The following ALG13 variants were observed in gnomAD, a reference collection of about 807,000 sequenced individuals.
ALG13 encodes UDP-N-acetylglucosamine transferase subunit ALG13.
Under a neutral mutation model 87.8 loss-of-function variants are expected in ALG13, and 11 were observed. The ratio of observed to expected loss-of-function variants is 0.13; its 90% CI spans 0.08 to 0.21. The LOEUF (loss-of-function observed/expected upper bound fraction) is 0.21. Ranked by LOEUF, ALG13 falls within the 10% of genes least tolerant of loss-of-function variation. The probability of loss-of-function intolerance (pLI) is 1.00; values close to 1 mark genes in which losing one functional copy is unlikely to be tolerated. For synonymous variants in ALG13, 320 were observed against 306.3 expected (o/e 1.04, Z -0.47); for missense variants, 756 against 866.1 (o/e 0.87, Z 1.60).
At chrX:111,683,661 C>T (rs1220407081) in intron 2 of ALG13, among the ~76,000 whole-genome samples, 1 of 110,830 alleles carries the variant, frequency 9.0e-6, no homozygotes, top group Non-Finnish European at 1.9e-5. Context: ...GTTAACTAAC[C>T]ACCCTAGCAT....
chrX:111,728,082 C>T, intron 18 of ALG13, 103 bp from the exon 19 acceptor site: 1 of 1,032,424 alleles, frequency 9.7e-7, no homozygotes, highest in East Asian at 3.1e-5. Context: ...TAGCAGTTCA[C>T]ATTGTTAGGC....
intron 2 of ALG13, among the ~76,000 whole-genome samples, chrX:111,684,026 A>G (rs763892499): frequency 1.8e-5 from 2 of 112,104 alleles, no homozygotes; most frequent in African/African-American, 3.2e-5. Flanking sequence ...CAATGGTTTC[A>G]CTTAGAGTTT....
chrX:111,752,988 C>A, intron 25 of ALG13, 158 bp downstream of exon 25: 1 of 402,664 alleles, frequency 2.5e-6, no homozygotes. Flanking sequence ...GTTCAGTTGT[C>A]TGCTTTAGCC....
chrX:111,682,085 T>G (rs755115889), intron 1 of ALG13, 47 bp from the exon 2 acceptor site: 8 of 1,102,242 alleles, frequency 7.3e-6, no homozygotes, highest in Non-Finnish European at 9.6e-6. Context: ...TGCTCTGTTT[T>G]ACATAGCCAG....
chrX:111,681,831 G>C (rs1450469856), intron 1 of ALG13: 1 of 869,267 alleles, frequency 1.2e-6, no homozygotes, highest in Non-Finnish European at 1.4e-6. Context: ...GATCAAGTGA[G>C]GCAGAACGGG....
chrX:111,740,109 A>G (rs889243750), intron 23 of ALG13, among the ~76,000 whole-genome samples: 2 of 111,631 alleles, frequency 1.8e-5, no homozygotes, highest in Non-Finnish European at 3.8e-5. Context: ...AGACTATACT[A>G]TGTAATAGCC....
At chrX:111,681,670 G>GC (rs1339352850) in intron 1 of ALG13, 16 of 887,004 alleles carry the variant, frequency 1.8e-5, no homozygotes, top group East Asian at 1.5e-4. Flanking sequence ...TTTTCCTCAG[G>GC]CCCCCCTGTG....
intron 23 of ALG13, among the ~76,000 whole-genome samples, chrX:111,743,030 A>G (rs1311750964): frequency 9.0e-6 from 1 of 111,703 alleles, no homozygotes; most frequent in African/African-American, 3.3e-5. Context: ...TTATTGTAAT[A>G]CTGTGCATTT....
intron 3 of ALG13, among the ~76,000 whole-genome samples, chrX:111,692,811 T>C (rs770588015): frequency 8.9e-6 from 1 of 111,910 alleles, no homozygotes; most frequent in Non-Finnish European, 1.9e-5. Flanking sequence ...ATTTTTTTTT[T>C]CCTTTGAGAC....
chrX:111,683,326 AT>A (rs763991466), intron 2 of ALG13, among the ~76,000 whole-genome samples: 1,385 of 63,507 alleles, frequency 0.022, 15 homozygotes, highest in African/African-American at 0.052. Flanking sequence ...CTTTCTTTCT[AT>A]TTTTTTTTTT....
intron 4 of ALG13, among the ~76,000 whole-genome samples, chrX:111,708,726 G>GA (rs1442801670): frequency 9.0e-6 from 1 of 111,480 alleles, no homozygotes; most frequent in Non-Finnish European, 1.9e-5. Context: ...TAATGCCTAA[G>GA]AAAAAAATTA....
In ALG13 at chrX:111,681,319, A is replaced by C; in HGVS notation, c.81+20A>C. The C allele has an allele frequency of 1.7e-6, 2 of 1,210,009 alleles. No individual in the cohort carries two copies. Among genetic ancestry groups the C allele is most frequent in the Non-Finnish European group, 2.2e-6 (2 of 894,654 alleles). On this transcript the variant is annotated intron_variant, in intron 1 of 26. Coordinates refer to ENST00000394780, the MANE Select transcript of ALG13 (RefSeq NM_001099922.3). ...CTGCAAGTGAGTGAGGGAGGCGAGC[A>C]GGCGGCGGCTTGGCTCGCCACCCGC...
rs1942412392 is a variant in ALG13, at chrX:111,729,257, G to A, written c.2368+952G>A. Among the ~76,000 whole-genome samples the A allele has an allele frequency of 2.7e-5, 3 of 111,430 alleles. No homozygotes were observed. The Admixed American group carries it at 2.9e-4, about 11-fold the overall frequency. On this transcript the variant is annotated intron_variant, in intron 19 of 26. Coordinates refer to ENST00000394780, the MANE Select transcript of ALG13 (RefSeq NM_001099922.3). ...CATGGAATGTGTTTATTTTTACCTT[G>A]TTACTTTTAAAAGATACTGTATATC...
At chrX:111,692,960 T>G (rs2147821165) in intron 3 of ALG13, among the ~76,000 whole-genome samples, 1 of 110,751 alleles carries the variant, frequency 9.0e-6, no homozygotes, top group Non-Finnish European at 1.9e-5. Flanking sequence ...GGCTAATTTT[T>G]TGTAGAGACG....
chrX:111,711,858 G>A, intron 6 of ALG13, 133 bp downstream of exon 6: 4 of 584,794 alleles, frequency 6.8e-6, no homozygotes, highest in Admixed American at 8.0e-5. Context: ...GAATCCAATA[G>A]TTCTCACATA....
chrX:111,705,654 C>CT (rs1399074878), intron 3 of ALG13, among the ~76,000 whole-genome samples: 4 of 110,692 alleles, frequency 3.6e-5, no homozygotes, highest in Non-Finnish European at 5.7e-5. Context: ...GTTGAGGATC[C>CT]TTTTTTTTGC....
At chrX:111,730,771 TAGGC>T (rs1295075244) in intron 21 of ALG13, among the ~76,000 whole-genome samples, 191 bp downstream of exon 21, 1 of 112,433 alleles carries the variant, frequency 8.9e-6, no homozygotes, top group Non-Finnish European at 1.9e-5. Context: ...TATTCTAACA[TAGGC>T]AGTAATGATC....
intron 3 of ALG13, among the ~76,000 whole-genome samples, chrX:111,702,095 C>T (rs1365565041): frequency 8.9e-6 from 1 of 111,948 alleles, no homozygotes; most frequent in Non-Finnish European, 1.9e-5. Context: ...ACAATGTGAT[C>T]TATCCTGGAG....
At chrX:111,699,260 T>C (rs1937417016) in intron 3 of ALG13, among the ~76,000 whole-genome samples, 1 of 111,159 alleles carries the variant, frequency 9.0e-6, no homozygotes, top group Non-Finnish European at 1.9e-5. Flanking sequence ...TTTCGAGTTA[T>C]TTGATTTCCT....
Sources: allele counts gnomAD v4.1 joint callset (sites outside exome capture counted in the v4.1 genomes callset), GRCh38; gene constraint gnomAD v4.1.1; transcripts MANE v1.5; gene names NCBI Gene and HGNC (gene_info 2026-07-23, HGNC 2026-07-21).